Variants in ANK3 observed in about 807,000 individuals in gnomAD.
ANK3 encodes the protein ankyrin-3.
A neutral mutation model predicts 370.9 loss-of-function variants in ANK3; 57 were observed. The observed-to-expected ratio is 0.15, with a 90% CI of 0.12 to 0.19. ANK3 has a LOEUF of 0.19. Ranked by LOEUF, ANK3 falls within the 10% of genes least tolerant of loss-of-function variation. ANK3 has a pLI of 1.00. For missense variants in ANK3, 4,439 were observed against 5,302.1 expected (o/e 0.84, Z 5.06); for synonymous variants, 1,929 against 1,946.3 (o/e 0.99, Z 0.23).
intron 21 of ANK3, among the ~76,000 whole-genome samples, chr10:60,169,160 C>A (rs1250420085): frequency 6.6e-6 from 1 of 152,144 alleles, no homozygotes; most frequent in Non-Finnish European, 1.5e-5. Context: ...ACATGCCCAC[C>A]AACAGTGTAA....
At chr10:60,665,914 G>T (rs1415890015) in intron 1 of ANK3, among the ~76,000 whole-genome samples, 1 of 152,228 alleles carries the variant, frequency 6.6e-6, no homozygotes, top group Non-Finnish European at 1.5e-5. Context: ...AAATTAACAA[G>T]TGTTGGTAAA....
At chr10:60,409,846 C>T (rs1351298028) in intron 2 of ANK3, among the ~76,000 whole-genome samples, 1 of 152,200 alleles carries the variant, frequency 6.6e-6, no homozygotes, top group Non-Finnish European at 1.5e-5. Context: ...TGATGTGCCT[C>T]CCACGAGTCT....
At chr10:60,381,475 A>G (rs139680130) in intron 1 of ANK3, among the ~76,000 whole-genome samples, 211 of 152,310 alleles carry the variant, frequency 1.4e-3, no homozygotes, top group Admixed American at 3.4e-3. Context: ...GTTTGCAAAG[A>G]GCTAACTGTG....
intron 1 of ANK3, among the ~76,000 whole-genome samples, chr10:60,637,366 C>G (rs1477878464): frequency 1.3e-5 from 2 of 152,190 alleles, no homozygotes; most frequent in East Asian, 3.8e-4. Context: ...ATTTGATACA[C>G]ATTCACTTAA....
intron 1 of ANK3, among the ~76,000 whole-genome samples, chr10:60,692,098 T>C (rs2079362849): frequency 1.3e-5 from 2 of 152,188 alleles, no homozygotes; most frequent in African/African-American, 2.4e-5. Context: ...AAGATACAAA[T>C]AGGTGTTATG....
intron 24 of ANK3, among the ~76,000 whole-genome samples, chr10:60,134,659 GAGA>G (rs796258947): frequency 4.6e-5 from 7 of 152,308 alleles, no homozygotes; most frequent in African/African-American, 1.7e-4. Flanking sequence ...CATGACAATT[GAGA>G]AGAACCAGAT....
intron 23 of ANK3, among the ~76,000 whole-genome samples, chr10:60,152,902 C>T (rs1201668740): frequency 6.6e-6 from 1 of 152,086 alleles, no homozygotes; most frequent in African/African-American, 2.4e-5. Flanking sequence ...ATTTTACAAG[C>T]ATAGTTTATT....
intron 2 of ANK3, among the ~76,000 whole-genome samples, chr10:60,564,250 A>T (rs2077407046): frequency 6.6e-6 from 1 of 152,228 alleles, no homozygotes; most frequent in South Asian, 2.1e-4. Flanking sequence ...AAAAAAATTC[A>T]ACAATGATGT....
At chr10:60,606,573 C>T (rs1032542288) in intron 2 of ANK3, among the ~76,000 whole-genome samples, 5 of 152,148 alleles carry the variant, frequency 3.3e-5, no homozygotes, top group Non-Finnish European at 5.9e-5. Context: ...TAAAACCTTG[C>T]TATGCTTGTA....
intron 1 of ANK3, among the ~76,000 whole-genome samples, chr10:60,361,718 CTAGT>C (rs2058638413): frequency 2.6e-5 from 4 of 152,036 alleles, no homozygotes; most frequent in African/African-American, 9.7e-5. Flanking sequence ...CAATATATTC[CTAGT>C]TATAGTTCAC....
intron 1 of ANK3, among the ~76,000 whole-genome samples, chr10:60,688,985 T>G (rs948399362): frequency 6.6e-6 from 1 of 152,072 alleles, no homozygotes; most frequent in African/African-American, 2.4e-5. Flanking sequence ...AAATCAGTAT[T>G]TGAACCTAGA....
At chr10:60,353,154 T>TTG (rs1491482225) in intron 1 of ANK3, among the ~76,000 whole-genome samples, 5 of 104,488 alleles carry the variant, frequency 4.8e-5, no homozygotes, top group Non-Finnish European at 7.6e-5. Context: ...CTAATTTTTG[T>TTG]TTTGTTTTTT....
chr10:60,113,415 A>G (rs1472444239), intron 26 of ANK3, among the ~76,000 whole-genome samples: 1 of 152,216 alleles, frequency 6.6e-6, no homozygotes, highest in Non-Finnish European at 1.5e-5. Context: ...GCTCATTTAA[A>G]AACTAAATAT....
Position 60,279,583 on chromosome 10 carries a change from G to T in ANK3, c.171C>A (p.Ala57=). Reference sequence around the variant, plus strand: ...CAACTCCATTTTTTATGTAGTCGAGGGCCTTTTCAAGGTGTCCAGCTCGAG... The same window carrying T: ...CAACTCCATTTTTTATGTAGTCGAGTGCCTTTTCAAGGTGTCCAGCTCGAG... The part of the protein sequence containing the change: ...RAARAGHLEK[A]LDYIKNGVDI... Residue 57 remains alanine, a synonymous_variant, in exon 2 of 44, where the codon GCC becomes GCA. Transcript: ENST00000280772. 6.2e-7 allele frequency: 1 copy of T among 1,613,134 alleles called. No individual in the cohort carries two copies. The highest frequency in any genetic ancestry group is 8.5e-7 in the Non-Finnish European group (1 of 1,179,734).
intron 8 of ANK3, among the ~76,000 whole-genome samples, chr10:60,228,575 T>C (rs923098520): frequency 2.0e-5 from 3 of 152,036 alleles, no homozygotes; most frequent in Admixed American, 6.6e-5. Context: ...AAAGGTGCTT[T>C]TATATGCTTC....
chr10:60,141,637 A>G (rs902728472), intron 23 of ANK3, among the ~76,000 whole-genome samples: 3 of 121,740 alleles, frequency 2.5e-5, no homozygotes, highest in African/African-American at 9.7e-5. Flanking sequence ...AATTGGGCTC[A>G]AAAGTAAAGG....
At chr10:60,648,404 C>G (rs2078740942) in intron 1 of ANK3, among the ~76,000 whole-genome samples, 1 of 144,128 alleles carries the variant, frequency 6.9e-6, no homozygotes, top group Non-Finnish European at 1.5e-5. Context: ...CATGATCTAC[C>G]CCTCTCGGCC....
Position 60,389,473 on chromosome 10 carries a change from A to C in ANK3, c.66T>G (p.Pro22=), listed in dbSNP as rs1453259645. 6.2e-7 allele frequency: 1 copy of C among 1,613,828 alleles called. No individual in the cohort carries two copies. Among genetic ancestry groups the C allele is most frequent in the Admixed American group, 1.7e-5 (1 of 59,980 alleles). The change falls in exon 1 of 44, where the codon CCT becomes CCG. Residue 22 remains proline, a synonymous_variant. Transcript: ENST00000280772. ...RDLEINAEEE[P]EKKRKHRKRS... ...GTTTGCGGTGTTTCCTTTTTTTCTCAGGCTCTTCTTCAGCATTGATTTCTA... is the reference window on the plus strand; with the variant it reads ...GTTTGCGGTGTTTCCTTTTTTTCTCCGGCTCTTCTTCAGCATTGATTTCTA...
intron 1 of ANK3, among the ~76,000 whole-genome samples, chr10:60,336,564 G>GATCGATCTATCTATCTATCT (rs768570797): frequency 3.3e-4 from 49 of 150,578 alleles, no homozygotes; most frequent in African/African-American, 1.2e-3. Flanking sequence ...GGAATCTGGA[G>GATCGATCTATCTATCTATCT]ATCTATCTAT....
Sources: allele counts gnomAD v4.1 joint callset (sites outside exome capture counted in the v4.1 genomes callset), GRCh38; gene constraint gnomAD v4.1.1; transcripts MANE v1.5; gene names NCBI Gene and HGNC (gene_info 2026-07-23, HGNC 2026-07-21).